Variants in NAALADL2 observed in about 807,000 individuals in gnomAD.
The protein encoded by NAALADL2 is N-acetylated alpha-linked acidic dipeptidase like 2.
A neutral mutation model predicts 87.2 loss-of-function variants in NAALADL2; 76 were observed. The ratio of observed to expected loss-of-function variants is 0.87; its 90% CI spans 0.72 to 1.05. The LOEUF (loss-of-function observed/expected upper bound fraction) is 1.05, where lower values mean the gene tolerates loss of function less well. Ranked by LOEUF, NAALADL2 falls within the 50% of genes least tolerant of loss-of-function variation. The pLI, the probability that NAALADL2 is intolerant of heterozygous loss-of-function variation, is 0.00. For missense variants in NAALADL2, 1,089 were observed against 945.8 expected, an observed-to-expected ratio of 1.15 and a Z score of -1.99; for synonymous variants, 354 against 331.0, an observed-to-expected ratio of 1.07 and a Z score of -0.75.
At chr3:174,586,355 T>C (rs1249609242) in intron 2 of NAALADL2, among the ~76,000 whole-genome samples, 13 of 152,190 alleles carry the variant, frequency 8.5e-5, no homozygotes. Flanking sequence ...TTACAGGTAA[T>C]TATGTGTGCA....
At chr3:175,156,038 T>G (rs574406993) in intron 2 of NAALADL2, among the ~76,000 whole-genome samples, 3 of 152,340 alleles carry the variant, frequency 2.0e-5, no homozygotes, top group East Asian at 1.9e-4. Context: ...AGAAGTTTAA[T>G]GTCTCTTTGA....
chr3:174,454,415 C>T (rs182229770), intron 1 of NAALADL2, among the ~76,000 whole-genome samples: 94 of 152,214 alleles, frequency 6.2e-4, no homozygotes, highest in Middle Eastern at 3.4e-3. Context: ...GAACTCTCCA[C>T]GCTGGAAAAA....
intron 5 of NAALADL2, among the ~76,000 whole-genome samples, chr3:175,443,187 A>G (rs1235656951): frequency 6.6e-6 from 1 of 152,166 alleles, no homozygotes; most frequent in African/African-American, 2.4e-5. Flanking sequence ...CATTAAGCTG[A>G]AGGTAAAAAA....
In NAALADL2 at chr3:175,213,049, G is replaced by A. The variant is rs1343526357; in HGVS notation, c.546-20882G>A. Among the ~76,000 whole-genome samples the A allele has an allele frequency of 3.3e-5, 5 of 152,090 alleles. No homozygotes were observed. The East Asian group carries it at 9.6e-4, about 29-fold the overall frequency. ...GCCTAAAATAGAAACTACTTATTGA[G>A]TGCTTATGCTTATTGCTTATTACGC... On this transcript the variant is annotated intron_variant, in intron 2 of 13. Coordinates refer to ENST00000454872, the MANE Select transcript of NAALADL2 (RefSeq NM_207015.3).
chr3:175,512,286 G>A (rs1363301663), intron 9 of NAALADL2, among the ~76,000 whole-genome samples: 1 of 152,118 alleles, frequency 6.6e-6, no homozygotes, highest in Non-Finnish European at 1.5e-5. Context: ...TGAACTTCTG[G>A]AGCATTTTCA....
chr3:175,147,203 G>A (rs983606020), intron 2 of NAALADL2, among the ~76,000 whole-genome samples: 1 of 152,130 alleles, frequency 6.6e-6, no homozygotes, highest in Admixed American at 6.5e-5. Flanking sequence ...AGTGTGTAGA[G>A]TACCCAATAG....
chr3:175,530,313 A>C (rs1733929363), intron 9 of NAALADL2, among the ~76,000 whole-genome samples: 1 of 152,054 alleles, frequency 6.6e-6, no homozygotes, highest in South Asian at 2.1e-4. Context: ...CTCTTCCCTA[A>C]ATTTATTTGT....
chr3:175,374,037 G>A (rs948457710), intron 5 of NAALADL2, among the ~76,000 whole-genome samples: 1 of 151,934 alleles, frequency 6.6e-6, no homozygotes, highest in Non-Finnish European at 1.5e-5. Context: ...ATATATTTCA[G>A]ATGCAAGCCA....
At chr3:174,882,008 A>G in intron 1 of NAALADL2, among the ~76,000 whole-genome samples, 1 of 152,166 alleles carries the variant, frequency 6.6e-6, no homozygotes, top group East Asian at 1.9e-4. Context: ...GATAGATTTT[A>G]GGCATAAGAA....
At chr3:174,992,474 G>T (rs1746871520) in intron 1 of NAALADL2, among the ~76,000 whole-genome samples, 1 of 152,002 alleles carries the variant, frequency 6.6e-6, no homozygotes, top group Non-Finnish European at 1.5e-5. Flanking sequence ...TAGGTAAGAT[G>T]TTCTTTTTGT....
intron 11 of NAALADL2, among the ~76,000 whole-genome samples, chr3:175,636,718 A>G (rs1479525453): frequency 6.6e-5 from 10 of 151,690 alleles, no homozygotes; most frequent in East Asian, 1.9e-4. Flanking sequence ...AAAAAAAGAA[A>G]AAAAAAGAAA....
At chr3:175,339,504 C>A (rs1306779146) in intron 5 of NAALADL2, among the ~76,000 whole-genome samples, 1 of 152,048 alleles carries the variant, frequency 6.6e-6, no homozygotes, top group Admixed American at 6.6e-5. Flanking sequence ...AATGAAATAC[C>A]TGAGTTCATG....
chr3:175,076,170 A>G (rs1009821785), intron 1 of NAALADL2, among the ~76,000 whole-genome samples: 2 of 152,050 alleles, frequency 1.3e-5, no homozygotes, highest in African/African-American at 2.4e-5. Context: ...GGAAGTTGCA[A>G]TGAGCTGAGA....
intron 2 of NAALADL2, among the ~76,000 whole-genome samples, chr3:174,566,891 A>G (rs1714346798): frequency 6.6e-6 from 1 of 151,760 alleles, no homozygotes. Context: ...AGAAAACCAC[A>G]AAACAAAAGG....
chr3:175,411,738 A>G (rs577035415), intron 5 of NAALADL2, among the ~76,000 whole-genome samples: 75 of 152,242 alleles, frequency 4.9e-4, no homozygotes, highest in African/African-American at 1.8e-3. Flanking sequence ...AATCAGAAAC[A>G]AAAGTATTTT....
chr3:175,084,656 G>A lies in NAALADL2; in HGVS notation c.44-12134G>A, dbSNP rs575885665. ...TTCCTAAAAGAGCATAGATATAAAT[G>A]TGAGGAGATTATTGAGTTATTTGGG... On this transcript the variant is annotated intron_variant, in intron 1 of 13. Coordinates refer to ENST00000454872, the MANE Select transcript of NAALADL2 (RefSeq NM_207015.3). Among the ~76,000 whole-genome samples the A allele has an allele frequency of 3.9e-5, 6 of 152,288 alleles. No individual in the cohort carries two copies. The South Asian group carries it at 1.0e-3, about 26-fold the overall frequency.
chr3:175,142,502 C>G (rs1263301560), intron 2 of NAALADL2, among the ~76,000 whole-genome samples: 3 of 151,930 alleles, frequency 2.0e-5, no homozygotes, highest in East Asian at 1.9e-4. Flanking sequence ...AGTTACAAGT[C>G]TGTGAAGTAA....
intron 2 of NAALADL2, among the ~76,000 whole-genome samples, chr3:174,586,933 G>C (rs920238083): frequency 6.6e-6 from 1 of 151,826 alleles, no homozygotes. Context: ...TGCTGCACCC[G>C]TTAACTCTTC....
chr3:175,635,768 C>A (rs908901547), intron 11 of NAALADL2, among the ~76,000 whole-genome samples: 1 of 152,060 alleles, frequency 6.6e-6, no homozygotes, highest in Non-Finnish European at 1.5e-5. Flanking sequence ...CTTTCCATAT[C>A]GTTCTTGAAT....
Sources: gnomAD v4.1 joint callset for allele counts (sites outside exome capture counted in the v4.1 genomes callset) on GRCh38, gnomAD v4.1.1 for gene constraint, MANE v1.5 for transcripts, NCBI Gene and HGNC (gene_info 2026-07-23, HGNC 2026-07-21) for gene names.